The following MYT1L variants were observed in gnomAD, a reference collection of about 807,000 sequenced individuals.
MYT1L encodes the protein myelin transcription factor 1-like protein.
A neutral mutation model predicts 126.7 loss-of-function variants in MYT1L; 12 were observed. The observed-to-expected ratio is 0.09, with a 90% confidence interval of 0.06 to 0.15. The LOEUF is 0.15. Ranked by LOEUF, MYT1L falls within the 10% of genes least tolerant of loss-of-function variation. The pLI is 1.00. For synonymous variants in MYT1L, 541 were observed against 604.2 expected (o/e 0.90, Z 1.53); for missense variants, 979 against 1,585.2 (o/e 0.62, Z 6.49).
intron 9 of MYT1L, among the ~76,000 whole-genome samples, chr2:1,940,728 T>C (rs917807400): frequency 4.6e-5 from 7 of 152,258 alleles, no homozygotes; most frequent in Non-Finnish European, 1.5e-5. Flanking sequence ...CTGCTGAACA[T>C]GAATTCTGAA....
intron 14 of MYT1L, among the ~76,000 whole-genome samples, chr2:1,893,494 C>CG (rs1238087095): frequency 2.0e-5 from 3 of 152,118 alleles, no homozygotes; most frequent in Non-Finnish European, 2.9e-5. Context: ...TAGAGACACT[C>CG]TAGCCCGGGT....
intron 8 of MYT1L, among the ~76,000 whole-genome samples, chr2:1,962,465 T>C (rs1309883747): frequency 6.6e-6 from 1 of 152,242 alleles, no homozygotes; most frequent in Admixed American, 6.5e-5. Flanking sequence ...TTGATGCTGA[T>C]GGCTGCTGAC....
At chr2:1,957,917 C>T (rs773791280) in intron 8 of MYT1L, among the ~76,000 whole-genome samples, 12 of 152,098 alleles carry the variant, frequency 7.9e-5, no homozygotes, top group African/African-American at 2.2e-4. Flanking sequence ...TTAAGGTGAA[C>T]GACGAGCTGT....
chr2:1,846,341 C>A (rs889572305), intron 19 of MYT1L, among the ~76,000 whole-genome samples: 1 of 152,194 alleles, frequency 6.6e-6, no homozygotes, highest in Non-Finnish European at 1.5e-5. Context: ...TGGAATTCCA[C>A]GCTGGCATTT....
At chr2:2,267,004 G>A (rs538066286) in intron 2 of MYT1L, among the ~76,000 whole-genome samples, 1 of 152,346 alleles carries the variant, frequency 6.6e-6, no homozygotes, top group East Asian at 1.9e-4. Flanking sequence ...AGCAAGCTAA[G>A]GAGTACGTGG....
chr2:2,056,034 G>A (rs2069504002), intron 3 of MYT1L, among the ~76,000 whole-genome samples: 1 of 152,236 alleles, frequency 6.6e-6, no homozygotes, highest in Admixed American at 6.5e-5. Context: ...ATTGTCAGGA[G>A]AGGGACAGGT....
chr2:2,056,731 C>A (rs1194350507), intron 3 of MYT1L, among the ~76,000 whole-genome samples: 1 of 152,190 alleles, frequency 6.6e-6, no homozygotes, highest in Non-Finnish European at 1.5e-5. Context: ...AACTCTTAAA[C>A]GGCATGTTTA....
At chr2:2,043,653 C>T (rs139588944) in intron 4 of MYT1L, among the ~76,000 whole-genome samples, 105 of 152,258 alleles carry the variant, frequency 6.9e-4, no homozygotes, top group African/African-American at 2.3e-3. Context: ...TCATGGGTGA[C>T]TGGCTCCCTT....
intron 11 of MYT1L, among the ~76,000 whole-genome samples, chr2:1,913,063 A>G (rs2052293386): frequency 1.3e-5 from 2 of 152,206 alleles, no homozygotes; most frequent in South Asian, 4.1e-4. Context: ...CCAGGTGAAC[A>G]TGGAAGGTCT....
At chr2:1,863,981 C>A (rs911642155) in intron 18 of MYT1L, among the ~76,000 whole-genome samples, 4 of 151,900 alleles carry the variant, frequency 2.6e-5, no homozygotes, top group African/African-American at 9.7e-5. Context: ...TCAAGGACCG[C>A]TGGGGTCTGC....
chr2:1,940,985 G>A (rs1210536460), intron 9 of MYT1L, among the ~76,000 whole-genome samples: 2 of 152,036 alleles, frequency 1.3e-5, no homozygotes, highest in Non-Finnish European at 2.9e-5. Flanking sequence ...GCATTTTTCT[G>A]GCAAAAATGT....
At chr2:2,012,658 AT>A (rs2063946696) in intron 4 of MYT1L, among the ~76,000 whole-genome samples, 1 of 152,108 alleles carries the variant, frequency 6.6e-6, no homozygotes, top group Non-Finnish European at 1.5e-5. Context: ...ACCATGATGA[AT>A]TTTCCATTGT....
At chr2:2,208,116 A>G (rs72769226) in intron 2 of MYT1L, among the ~76,000 whole-genome samples, 18,196 of 151,660 alleles carry the variant, frequency 0.12, 1,163 homozygotes, top group Non-Finnish European at 0.15. Context: ...GGAAGTATCA[A>G]CAATCCAAGC....
At chr2:2,276,965 C>T (rs1012774064) in intron 2 of MYT1L, among the ~76,000 whole-genome samples, 1 of 137,168 alleles carries the variant, frequency 7.3e-6, no homozygotes, top group African/African-American at 2.8e-5. Flanking sequence ...TGCTAACTTC[C>T]GATTGATTCT....
chr2:2,211,236 T>C (rs534045592), intron 2 of MYT1L, among the ~76,000 whole-genome samples: 7 of 152,142 alleles, frequency 4.6e-5, no homozygotes, highest in Non-Finnish European at 8.8e-5. Context: ...TTTTTAAGAG[T>C]TTAAACATCC....
At chr2:2,080,353 G>C (rs2075687400) in intron 3 of MYT1L, among the ~76,000 whole-genome samples, 1 of 152,014 alleles carries the variant, frequency 6.6e-6, no homozygotes, top group Non-Finnish European at 1.5e-5. Context: ...CTAAAAAGTT[G>C]ATCTGACAAA....
chr2:2,196,420 C>A (rs1282818622), intron 2 of MYT1L, among the ~76,000 whole-genome samples: 1 of 151,810 alleles, frequency 6.6e-6, no homozygotes, highest in Non-Finnish European at 1.5e-5. Flanking sequence ...ACAACAAATA[C>A]TGTAAGTATG....
chr2:1,820,894 G>A (rs1170673250), intron 21 of MYT1L, among the ~76,000 whole-genome samples: 8 of 152,014 alleles, frequency 5.3e-5, no homozygotes, highest in African/African-American at 1.2e-4. Flanking sequence ...TCAGTGGGCC[G>A]GACTCAAGCA....
At chr2:1,876,250 G>A (rs2046893266) in intron 18 of MYT1L, among the ~76,000 whole-genome samples, 1 of 152,148 alleles carries the variant, frequency 6.6e-6, no homozygotes, top group Non-Finnish European at 1.5e-5. Context: ...CGCTGGGGGT[G>A]GCAACAGACT....
Sources: allele counts gnomAD v4.1 joint callset (sites outside exome capture counted in the v4.1 genomes callset), GRCh38; gene constraint gnomAD v4.1.1; transcripts MANE v1.5; gene names NCBI Gene and HGNC (gene_info 2026-07-23, HGNC 2026-07-21).